The following SHARPIN variants were observed in gnomAD, a reference collection of about 807,000 sequenced individuals.
The protein encoded by SHARPIN is hSIPL1.
In SHARPIN, 25 loss-of-function variants were observed where a neutral mutation model predicts 40.3. The ratio of observed to expected loss-of-function variants is 0.62; its 90% CI spans 0.45 to 0.87. The LOEUF (loss-of-function observed/expected upper bound fraction) is 0.87. SHARPIN is among the 40% of genes least tolerant of loss of function. The pLI is 0.00. For missense variants in SHARPIN, 551 were observed against 516.1 expected (o/e 1.07, Z -0.66); for synonymous variants, 274 against 221.8 (o/e 1.24, Z -2.09).
intron 2 of SHARPIN, chr8:144,102,808 G>A: frequency 3.2e-6 from 2 of 625,698 alleles, no homozygotes; most frequent in East Asian, 5.3e-5. Context: ...AGGAAGTGCA[G>A]GCTGAGGTTC....
At chr8:144,101,130 C>G (rs1397950896) in intron 2 of SHARPIN, among the ~76,000 whole-genome samples, 4 of 152,208 alleles carry the variant, frequency 2.6e-5, no homozygotes, top group Admixed American at 2.6e-4. Flanking sequence ...CCACCGCGCC[C>G]GGCCCCTGCC....
Position 144,100,037 on chromosome 8 carries a change from G to A in SHARPIN, c.409C>T (p.Pro137Ser). The A allele has an allele frequency of 6.3e-7, 1 of 1,589,782 alleles. No homozygotes were observed. The highest frequency in any genetic ancestry group is 1.1e-5 in the South Asian group (1 of 87,072). The stretch of plus-strand genomic sequence containing the variant: ...GGCAGGGAGACAGGGCATGCTTCTG[G>A]GCCCAAGGCTGGTGGTGAGTTGCTC... ...SKSNSPPALG[P>S]EACPVSLPSP... The change falls in exon 3 of 9, where the codon CCA becomes TCA. Residue 137 changes from proline to serine, a missense_variant. Physicochemically the swap from Pro to Ser is moderately conservative, Grantham distance 74. Transcript: ENST00000398712.
Position 144,103,481 on chromosome 8 carries a change from G to T in SHARPIN, c.201+72C>A, listed in dbSNP as rs1836332738. ...TAAGGGCACCCAGGTGGCAAGCGGA[G>T]GGGCCTAACTTTGGGCTCCGTGCCC... On this transcript the variant is annotated intron_variant, in intron 1 of 8. Transcript: ENST00000398712. 8.6e-5 allele frequency: 124 copies of T among 1,441,294 alleles called. 3 individuals carry two copies. The South Asian group carries it at 1.5e-3, about 17-fold the overall frequency. 89.3% of individuals were successfully genotyped at this position (1,441,294 alleles called of 1,614,324 possible).
Position 144,099,360 on chromosome 8 carries a change from T to TCAGGCACACACAGG in SHARPIN, c.825_838dup (p.Glu280AlafsTer137). On this transcript the variant is annotated frameshift_variant, in exon 6 of 9. Transcript: ENST00000398712. LOFTEE classifies it high-confidence loss of function. ...AACCCCGTAAGAGGCAAGGCTGCGC[T>TCAGGCACACACAGG]CAGGCACACACAGGCACCGTCCGAT... 1.9e-6 allele frequency: 3 copies of TCAGGCACACACAGG among 1,614,018 alleles called. No homozygotes were observed. Among genetic ancestry groups the TCAGGCACACACAGG allele is most frequent in the Non-Finnish European group, 2.5e-6 (3 of 1,179,966 alleles).
chr8:144,102,975 G>A, intron 2 of SHARPIN, 76 bp downstream of exon 2: 1 of 1,575,930 alleles, frequency 6.3e-7, no homozygotes, highest in Non-Finnish European at 8.7e-7. Flanking sequence ...GGGGAAGGTG[G>A]ATCCAACTTC....
intron 1 of SHARPIN, 67 bp from the exon 2 acceptor site, chr8:144,103,292 T>C (rs1836327622): frequency 1.0e-5 from 15 of 1,504,816 alleles, no homozygotes; most frequent in Non-Finnish European, 1.3e-5. Context: ...AGCAAAGAAA[T>C]ACAAGGTAAC....
In SHARPIN at chr8:144,099,086, GTGGACTGGGCAGGCTGGAGGCAGCTGGC is replaced by G. The variant is rs1836228263; in HGVS notation, c.1014_1041del (p.Gln338HisfsTer65). On this transcript the variant is annotated frameshift_variant, in exon 7 of 9. Transcript: ENST00000398712. LOFTEE classifies it high-confidence loss of function. ...CTGCCCAGTCCCGTGCCCACCTGGA[GTGGACTGGGCAGGCTGGAGGCAGCTGGC>G]TGGGGGCCTGGGGGTAGCCCCAATG... 1 of 1,570,092 alleles carries G rather than the reference GTGGACTGGGCAGGCTGGAGGCAGCTGGC, an allele frequency of 6.4e-7. No individual in the cohort carries two copies. The highest frequency in any genetic ancestry group is 1.4e-5 in the African/African-American group (1 of 72,636).
intron 2 of SHARPIN, among the ~76,000 whole-genome samples, chr8:144,102,147 C>T (rs565386743): frequency 1.3e-5 from 2 of 152,250 alleles, no homozygotes; most frequent in South Asian, 2.1e-4. Flanking sequence ...GGAGGATCAC[C>T]GTAGACCAGG....
chr8:144,099,773 C>T lies in SHARPIN; in HGVS notation c.589G>A (p.Val197Ile), dbSNP rs113734637. The T allele has an allele frequency of 6.2e-4, 1,001 of 1,612,938 alleles. 18 individuals are homozygous for T. The South Asian group carries it at 9.0e-3, about 15-fold the overall frequency. ...AGGGCCACACGATGCTGGGCCAGGA[C>T]GGCTGCCACTTGGGCTGCCCCCTTC... Reference protein sequence around the residue: ...DEKGAAQVAAVLAQHRVALSV... With the variant: ...DEKGAAQVAAILAQHRVALSV... The change falls in exon 4 of 9, where the codon GTC becomes ATC. Residue 197 changes from valine to isoleucine, a missense_variant. By Grantham distance (29) the Val-to-Ile change is conservative. Coordinates refer to ENST00000398712, the MANE Select transcript of SHARPIN (RefSeq NM_030974.4).
chr8:144,098,915 G>A lies in SHARPIN; in HGVS notation c.1127C>T (p.Pro376Leu). The A allele has an allele frequency of 6.3e-7, 1 of 1,592,764 alleles. No homozygotes were observed. Among genetic ancestry groups the A allele is most frequent in the Non-Finnish European group, 8.5e-7 (1 of 1,173,558 alleles). ...TGCAGCAAGGGGGTCCCAAGTGCAG[G>A]GCCTCTGGGTGCTACACATCTCACA... is the stretch of plus-strand genomic sequence containing the variant. ...PGCEMCSTQR[P>L]CTWDPLAAAS... The change falls in exon 8 of 9, where the codon CCC becomes CTC. Residue 376 changes from proline (P) to leucine (L), a missense_variant. Coordinates refer to ENST00000398712, the MANE Select transcript of SHARPIN (RefSeq NM_030974.4).
intron 2 of SHARPIN, chr8:144,100,876 C>T (rs1311240276): frequency 6.7e-6 from 1 of 149,510 alleles, no homozygotes; most frequent in South Asian, 2.1e-4. Flanking sequence ...TCACTCGTTG[C>T]CCAGGCTGGA....
At chr8:144,103,526 G>C in intron 1 of SHARPIN, 27 bp downstream of exon 1, 1 of 1,529,888 alleles carries the variant, frequency 6.5e-7, no homozygotes, top group South Asian at 1.2e-5. Context: ...CAAGAGGACT[G>C]ACCGCGCGCC....
At position 144,099,175 on chromosome 8, in the gene SHARPIN, T is replaced by C. The variant is rs1478590995; in HGVS notation, c.953A>G (p.Lys318Arg). ...ATGPSPQHPQKMDGELGRLFP... is the reference protein window; with the variant it reads ...ATGPSPQHPQRMDGELGRLFP... ...CAAGCGTCCAAGTTCCCCGTCCATC[T>C]TCTGGGGGTGCTGAGGGCTAGGTCC... The change falls in exon 7 of 9, where the codon AAG (lysine) becomes AGG (arginine). Residue 318 changes from lysine to arginine, a missense_variant. Transcript: ENST00000398712. The C allele has an allele frequency of 6.3e-7, 1 of 1,593,982 alleles. No homozygotes were observed. Among genetic ancestry groups the C allele is most frequent in the African/African-American group, 1.4e-5 (1 of 73,982 alleles).
rs745796766 is a variant in SHARPIN at position 144,099,105 on chromosome 8, G to C, written c.1023C>G (p.Ala341=). Residue 341 remains alanine (A), a synonymous_variant, in exon 7 of 9, where the codon GCC becomes GCG. Transcript: ENST00000398712. ...LGLPPGPQPA[A]SSLPSPLQPS... The stretch of plus-strand genomic sequence containing the variant: ...CCTGGAGTGGACTGGGCAGGCTGGA[G>C]GCAGCTGGCTGGGGGCCTGGGGGTA... The C allele has an allele frequency of 1.5e-5, 24 of 1,584,000 alleles. No homozygotes were observed. The highest frequency in any genetic ancestry group is 2.1e-5 in the Non-Finnish European group (24 of 1,165,988).
chr8:144,099,032 T>A, intron 7 of SHARPIN, 38 bp from the exon 8 acceptor site: 1 of 1,594,112 alleles, frequency 6.3e-7, no homozygotes, highest in Non-Finnish European at 8.5e-7. Context: ...CCCTGCTCTT[T>A]CCAATGCCCA....
chr8:144,098,779 C>T lies in SHARPIN; in HGVS notation c.*22G>A. 2.2e-6 allele frequency: 2 copies of T among 925,262 alleles called. No homozygotes were observed. Among genetic ancestry groups the T allele is most frequent in the Non-Finnish European group, 3.2e-6 (2 of 622,186 alleles). 57.3% of individuals were successfully genotyped at this position (925,262 alleles called of 1,614,324 possible). On this transcript the variant is annotated 3_prime_UTR_variant, in exon 9 of 9. Coordinates refer to ENST00000398712, the MANE Select transcript of SHARPIN (RefSeq NM_030974.4). ...GACTTGTGAGGGAAGGGCCACTCTC[C>T]CCTTGTAACCTGTGGGGGAGGAGCT...
chr8:144,103,674 G>T lies in SHARPIN; in HGVS notation c.80C>A (p.Ala27Glu). ...SAAVLLAVHA[A>E]VRPLGAGPDA... is the part of the protein sequence containing the mutation. The stretch of plus-strand genomic sequence containing the variant: ...TGGCCCGGCGCCCAGCGGCCTCACC[G>T]CGGCGTGCACAGCCAAGAGCACTGC... Residue 27 changes from alanine (A) to glutamate (E), a missense_variant, in exon 1 of 9, where the codon GCG becomes GAG. Coordinates refer to ENST00000398712, the MANE Select transcript of SHARPIN (RefSeq NM_030974.4). 6.6e-7 allele frequency: 1 copy of T among 1,520,812 alleles called. No individual in the cohort carries two copies. Among genetic ancestry groups the T allele is most frequent in the African/African-American group, 1.4e-5 (1 of 70,524 alleles). 94.2% of individuals were successfully genotyped at this position (1,520,812 alleles called of 1,614,324 possible). A position where few individuals can be genotyped will look rare whatever the true frequency, so the allele number is the denominator to read the frequency against.
intron 2 of SHARPIN, among the ~76,000 whole-genome samples, chr8:144,101,697 T>A (rs966500472): frequency 3.3e-5 from 5 of 151,536 alleles, no homozygotes; most frequent in African/African-American, 1.2e-4. Flanking sequence ...ATTACAGGTG[T>A]GAGCCACCGT....
Position 144,099,158 on chromosome 8 carries a change from C to G in SHARPIN, c.970G>C (p.Gly324Arg). 7 of 1,592,080 alleles carry G rather than the reference C, an allele frequency of 4.4e-6. No homozygotes were observed. The highest frequency in any genetic ancestry group is 6.0e-6 in the Non-Finnish European group (7 of 1,169,938). ...QHPQKMDGEL[G>R]RLFPPSLGLP... Reference sequence around the variant, plus strand: ...CCCAATGATGGGGGAAACAAGCGTCCAAGTTCCCCGTCCATCTTCTGGGGG... The same window carrying G: ...CCCAATGATGGGGGAAACAAGCGTCGAAGTTCCCCGTCCATCTTCTGGGGG... The change falls in exon 7 of 9, where the codon GGA (glycine) becomes CGA (arginine). Residue 324 changes from glycine (G) to arginine (R), a missense_variant. Gly to Arg is a moderately radical substitution (Grantham distance 125, BLOSUM62 -2). Coordinates refer to ENST00000398712, the MANE Select transcript of SHARPIN (RefSeq NM_030974.4).
Sources: gnomAD v4.1 joint callset for allele counts (sites outside exome capture counted in the v4.1 genomes callset) on GRCh38, gnomAD v4.1.1 for gene constraint, MANE v1.5 for transcripts, NCBI Gene and HGNC (gene_info 2026-07-23, HGNC 2026-07-21) for gene names.